KCNH8: variants seen among roughly 807,000 people sequenced by gnomAD.
The protein encoded by KCNH8 is voltage-gated delayed rectifier potassium channel KCNH8.
Under a neutral mutation model 103.6 loss-of-function variants are expected in KCNH8, and 70 were observed. The ratio of observed to expected loss-of-function variants is 0.68; its 90% CI spans 0.56 to 0.82. The LOEUF is 0.82. KCNH8 is among the 40% of genes least tolerant of loss of function. KCNH8 has a pLI of 0.00. For synonymous variants in KCNH8, 498 were observed against 489.4 expected, an observed-to-expected ratio of 1.02 and a Z score of -0.23; for missense variants, 1,217 against 1,329.9, an observed-to-expected ratio of 0.92 and a Z score of 1.32.
chr3:19,171,100 C>T (rs2063344766), intron 1 of KCNH8, among the ~76,000 whole-genome samples: 1 of 152,008 alleles, frequency 6.6e-6, no homozygotes, highest in Non-Finnish European at 1.5e-5. Context: ...ACGCCCGGCC[C>T]CTTGGGGCAT....
chr3:19,222,365 T>A (rs1015967515), intron 1 of KCNH8, among the ~76,000 whole-genome samples: 9 of 152,350 alleles, frequency 5.9e-5, no homozygotes, highest in Admixed American at 4.6e-4. Context: ...TCTACATATA[T>A]AATAGATACT....
rs543099731 is a variant in KCNH8, at chr3:19,346,570, G to A, written c.571-1155G>A. 2.4e-5 allele frequency: 11 copies of A among 454,464 alleles called. No individual in the cohort carries two copies. In the Admixed American group the frequency reaches 2.6e-4, roughly 11 times the overall value. 28.2% of individuals were successfully genotyped at this position (454,464 alleles called of 1,614,324 possible). A position where few individuals can be genotyped will look rare whatever the true frequency, so the allele number is the denominator to read the frequency against. ...CAGACAGGGGTGCGTTAATATTAAG[G>A]TAGCAGAACTATTCAATCACTGACA... On this transcript the variant is annotated intron_variant, in intron 4 of 15. Transcript: ENST00000328405.
chr3:19,199,119 T>G (rs927218764), intron 1 of KCNH8, among the ~76,000 whole-genome samples: 6 of 152,126 alleles, frequency 3.9e-5, no homozygotes, highest in Admixed American at 6.6e-5. Flanking sequence ...ACTTTTACCA[T>G]GCTGCATATT....
chr3:19,390,710 T>A, intron 6 of KCNH8, 72 bp downstream of exon 6: 1 of 1,432,738 alleles, frequency 7.0e-7, no homozygotes. Context: ...TTTTAAATGC[T>A]TGTGGCGATT....
At chr3:19,480,439 AATAAATCAAAGGACTACCT>A (rs2068064657) in intron 11 of KCNH8, among the ~76,000 whole-genome samples, 1 of 152,210 alleles carries the variant, frequency 6.6e-6, no homozygotes, top group Non-Finnish European at 1.5e-5. Context: ...AAATAGATGA[AATAAATCAAAGGACTACCT>A]TCCCAACTAC....
Position 19,162,037 on chromosome 3 carries a change from CA to C in KCNH8, c.76+13245del, listed in dbSNP as rs2063239056. Among the ~76,000 whole-genome samples the C allele has an allele frequency of 1.3e-5, 2 of 152,012 alleles. 1 individual carries two copies. Among genetic ancestry groups the C allele is most frequent in the South Asian group, 4.1e-4 (2 of 4,826 alleles). The stretch of plus-strand genomic sequence containing the variant: ...ACTTGTAAACAATCTAAGTGTTCAA[CA>C]AAGTTATTAGTCTTTTCTAAATGAG... On this transcript the variant is annotated intron_variant, in intron 1 of 15. Coordinates refer to ENST00000328405, the MANE Select transcript of KCNH8 (RefSeq NM_144633.3).
chr3:19,253,651 T>C lies in KCNH8; in HGVS notation c.77-3T>C, dbSNP rs556934057. ...TGAGTATCTTCTCCTTGTTTTTCTA[T>C]AGATAGCAACTTCATCCTTGCCAAT... On this transcript the variant is annotated splice_polypyrimidine_tract_variant and splice_region_variant and intron_variant, in intron 1 of 15. Transcript: ENST00000328405. The C allele has an allele frequency of 1.9e-6, 3 of 1,606,252 alleles. No individual in the cohort carries two copies. The South Asian group carries it at 3.3e-5, about 18-fold the overall frequency.
intron 1 of KCNH8, among the ~76,000 whole-genome samples, chr3:19,170,558 A>G (rs2063330694): frequency 6.7e-6 from 1 of 148,402 alleles, no homozygotes; most frequent in African/African-American, 2.5e-5. Flanking sequence ...GTCTTCCTTC[A>G]GCAAGTGCCC....
At chr3:19,522,338 TC>T (rs1464731465) in intron 15 of KCNH8, among the ~76,000 whole-genome samples, 1 of 151,502 alleles carries the variant, frequency 6.6e-6, no homozygotes, top group African/African-American at 2.4e-5. Context: ...TGGTGTCAGT[TC>T]CATTTCGAAA....
chr3:19,196,232 C>T (rs556817278), intron 1 of KCNH8, among the ~76,000 whole-genome samples: 2 of 151,838 alleles, frequency 1.3e-5, no homozygotes, highest in Non-Finnish European at 2.9e-5. Context: ...TATGCCTAAA[C>T]CTCATAAAAG....
At chr3:19,476,134 A>AT (rs2067970279) in intron 11 of KCNH8, among the ~76,000 whole-genome samples, 1 of 152,190 alleles carries the variant, frequency 6.6e-6, no homozygotes, top group Non-Finnish European at 1.5e-5. Flanking sequence ...TGGAGGATGC[A>AT]TATCACCCCA....
At chr3:19,447,817 C>T (rs1198923562) in intron 8 of KCNH8, among the ~76,000 whole-genome samples, 1 of 151,904 alleles carries the variant, frequency 6.6e-6, no homozygotes, top group East Asian at 1.9e-4. Context: ...AAGAACAAAT[C>T]CAACATTTAG....
chr3:19,490,517 A>C (rs1178932322), intron 11 of KCNH8, among the ~76,000 whole-genome samples: 1 of 152,176 alleles, frequency 6.6e-6, no homozygotes, highest in Non-Finnish European at 1.5e-5. Context: ...TTTTCCATAC[A>C]ATGTCTGTAA....
chr3:19,510,369 T>G lies in KCNH8; in HGVS notation c.2047T>G (p.Ser683Ala). 2 of 1,578,138 alleles carry G rather than the reference T, an allele frequency of 1.3e-6. No homozygotes were observed. Among genetic ancestry groups the G allele is most frequent in the East Asian group, 4.5e-5 (2 of 44,652 alleles). The change falls in exon 12 of 16, where the codon TCA becomes GCA. Residue 683 changes from serine to alanine, a missense_variant. Physicochemically the swap from Ser to Ala is moderately conservative, Grantham distance 99 (BLOSUM62 1). Coordinates refer to ENST00000328405, the MANE Select transcript of KCNH8 (RefSeq NM_144633.3). ...LREGHESDVI[S>A]RLSNKSMVSQ... is the part of the protein sequence containing the mutation. Reference sequence around the variant, plus strand: ...CTTCTGTTTGTTCTTTCAGGTGATATCAAGACTATCAAACAAATCTATGGT... The same window carrying G: ...CTTCTGTTTGTTCTTTCAGGTGATAGCAAGACTATCAAACAAATCTATGGT...
chr3:19,190,832 C>G (rs2063545097), intron 1 of KCNH8, among the ~76,000 whole-genome samples: 1 of 151,876 alleles, frequency 6.6e-6, no homozygotes, highest in South Asian at 2.1e-4. Flanking sequence ...TAAAATCCCT[C>G]AAACACGAAT....
intron 1 of KCNH8, among the ~76,000 whole-genome samples, chr3:19,169,408 G>C (rs2063318717): frequency 6.6e-6 from 1 of 151,886 alleles, no homozygotes; most frequent in South Asian, 2.1e-4. Context: ...ACAGGCGCCT[G>C]GCTAATTTTT....
chr3:19,266,690 CT>C (rs746588687), intron 2 of KCNH8, among the ~76,000 whole-genome samples: 10 of 152,040 alleles, frequency 6.6e-5, no homozygotes, highest in Non-Finnish European at 1.2e-4. Flanking sequence ...AATAGTTTTT[CT>C]TGCTGTTTCA....
At chr3:19,156,702 C>CT (rs1420095427) in intron 1 of KCNH8, among the ~76,000 whole-genome samples, 1 of 151,892 alleles carries the variant, frequency 6.6e-6, no homozygotes, top group Non-Finnish European at 1.5e-5. Context: ...TAGTGATTTC[C>CT]TTTTGTTGTG....
chr3:19,383,913 ATGTT>A (rs2066321502), intron 5 of KCNH8, among the ~76,000 whole-genome samples: 1 of 152,124 alleles, frequency 6.6e-6, no homozygotes, highest in Non-Finnish European at 1.5e-5. Context: ...TTTTTTCAGT[ATGTT>A]TATGTTTAAT....
Sources: gnomAD v4.1 joint callset for allele counts (sites outside exome capture counted in the v4.1 genomes callset) on GRCh38, gnomAD v4.1.1 for gene constraint, MANE v1.5 for transcripts, NCBI Gene and HGNC (gene_info 2026-07-23, HGNC 2026-07-21) for gene names.